Variants in N4BP2L1 observed in about 807,000 individuals in gnomAD.
The protein encoded by N4BP2L1 is NEDD4 binding protein 2 like 1.
N4BP2L1 carries 12 observed loss-of-function variants against 21.2 expected under a neutral mutation model. That is an observed-to-expected ratio of 0.57 (90% CI 0.36 to 0.92). The LOEUF (loss-of-function observed/expected upper bound fraction) is 0.92, where lower values mean the gene tolerates loss of function less well. N4BP2L1 is among the 40% of genes least tolerant of loss of function. The pLI is 0.01. For synonymous variants in N4BP2L1, 104 were observed against 112.8 expected, an observed-to-expected ratio of 0.92 and a Z score of 0.49; for missense variants, 259 against 310.6, an observed-to-expected ratio of 0.83 and a Z score of 1.25.
intron 1 of N4BP2L1, chr13:32,425,250 C>G (rs965750545): frequency 6.6e-6 from 1 of 152,230 alleles, no homozygotes; most frequent in Admixed American, 6.5e-5. Context: ...TGGGCCACAC[C>G]TGAGCCTGCC....
At chr13:32,408,910 C>A (rs149754178) in intron 1 of N4BP2L1, among the ~76,000 whole-genome samples, 198 of 152,288 alleles carry the variant, frequency 1.3e-3, no homozygotes, top group African/African-American at 4.5e-3. Context: ...CTTCAGGTGC[C>A]CCCACAGGCT....
rs1328519209 is a variant in N4BP2L1 at position 32,403,019 on chromosome 13, G to C, written c.655C>G (p.Pro219Ala). Residue 219 changes from proline (P) to alanine (A), a missense_variant, in exon 5 of 5, where the codon CCA (proline) becomes GCA (alanine). Physicochemically the swap from Pro to Ala is conservative, Grantham distance 27 (BLOSUM62 -1). Around this residue, in one of 3 missense-constraint regions of N4BP2L1, gnomAD observed 108 missense variants for 107.8 expected, o/e 1.00. Coordinates refer to ENST00000380130, the MANE Select transcript of N4BP2L1 (RefSeq NM_052818.3). ...ARYWNSYTEF[P>A]NRRAHGGFTN... ...AATCCACCGTGGGCCCTCCGGTTTG[G>C]AAACTCTGTGTAGGAATTCCAGTAT... 6.2e-7 allele frequency: 1 copy of C among 1,614,010 alleles called. No homozygotes were observed. Among genetic ancestry groups the C allele is most frequent in the Non-Finnish European group, 8.5e-7 (1 of 1,180,030 alleles).
chr13:32,407,164 A>C (rs1362836264), intron 3 of N4BP2L1, 86 bp downstream of exon 3: 1 of 1,319,722 alleles, frequency 7.6e-7, no homozygotes, highest in Non-Finnish European at 1.1e-6. Flanking sequence ...AAATCATGGA[A>C]CATCAGAAAA....
intron 1 of N4BP2L1, among the ~76,000 whole-genome samples, chr13:32,417,196 T>A (rs1433884530): frequency 6.6e-6 from 1 of 152,198 alleles, no homozygotes; most frequent in Non-Finnish European, 1.5e-5. Context: ...TACCCAAACC[T>A]TAGATTCAGT....
chr13:32,423,955 A>AAC (rs1256453115), intron 1 of N4BP2L1, among the ~76,000 whole-genome samples: 1 of 152,374 alleles, frequency 6.6e-6, no homozygotes, highest in Admixed American at 6.5e-5. Context: ...AAGGCATTTT[A>AAC]ACACACACAG....
chr13:32,403,056 G>T lies in N4BP2L1; in HGVS notation c.618C>A (p.Ser206=). Residue 206 remains serine, a synonymous_variant, in exon 5 of 5, where the codon TCC becomes TCA. Transcript: ENST00000380130. ...RNQDRNNALP[S]NNARYWNSYT... ...AGGAATTCCAGTATCTGGCATTGTT[G>T]GAAGGCAATGCATTATTCCTGTCCT... is the stretch of plus-strand genomic sequence containing the variant. The T allele has an allele frequency of 6.2e-7, 1 of 1,613,978 alleles. No individual in the cohort carries two copies. The highest frequency in any genetic ancestry group is 8.5e-7 in the Non-Finnish European group (1 of 1,179,962).
intron 1 of N4BP2L1, among the ~76,000 whole-genome samples, chr13:32,419,213 T>A (rs993718408): frequency 2.7e-5 from 4 of 149,922 alleles, no homozygotes; most frequent in Non-Finnish European, 5.9e-5. Flanking sequence ...GCTGTTCTCA[T>A]GATAGTGAGT....
intron 2 of N4BP2L1, 144 bp from the exon 3 acceptor site, chr13:32,407,482 C>A (rs755057056): frequency 5.1e-6 from 8 of 1,576,236 alleles, no homozygotes; most frequent in South Asian, 1.1e-5. Flanking sequence ...CAATAATTTT[C>A]TTTCTCTGGA....
At chr13:32,427,237 G>GC (rs1215153592) in intron 1 of N4BP2L1, among the ~76,000 whole-genome samples, 1 of 152,168 alleles carries the variant, frequency 6.6e-6, no homozygotes, top group African/African-American at 2.4e-5. Flanking sequence ...CCAGCCCCCC[G>GC]CCCCCGTGCA....
At chr13:32,405,464 C>A (rs994993236) in intron 3 of N4BP2L1, among the ~76,000 whole-genome samples, 1 of 152,158 alleles carries the variant, frequency 6.6e-6, no homozygotes, top group African/African-American at 2.4e-5. Flanking sequence ...GAGCTGAGAT[C>A]GTGCCACTGC....
At position 32,407,396 on chromosome 13, in the gene N4BP2L1, C is replaced by A. The variant is rs547480199; in HGVS notation, c.308-58G>T. On this transcript the variant is annotated intron_variant, in intron 2 of 4. Coordinates refer to ENST00000380130, the MANE Select transcript of N4BP2L1 (RefSeq NM_052818.3). Reference sequence around the variant, plus strand: ...ATGCAACAATCAGAGGGAAGGTGAGCGTAATCTCTATTCGTCATTTTTATT... The same window carrying A: ...ATGCAACAATCAGAGGGAAGGTGAGAGTAATCTCTATTCGTCATTTTTATT... The A allele has an allele frequency of 1.9e-6, 3 of 1,612,620 alleles. No individual in the cohort carries two copies. In the South Asian group the frequency reaches 3.3e-5, roughly 18 times the overall value.
At chr13:32,426,090 C>T (rs1414245128) in intron 1 of N4BP2L1, 2 of 152,186 alleles carry the variant, frequency 1.3e-5, no homozygotes, top group Non-Finnish European at 2.9e-5. Context: ...ACCACTCAGG[C>T]AACGCCCTGG....
At chr13:32,426,109 A>G (rs751725431) in intron 1 of N4BP2L1, among the ~76,000 whole-genome samples, 1 of 152,202 alleles carries the variant, frequency 6.6e-6, no homozygotes, top group Non-Finnish European at 1.5e-5. Flanking sequence ...GGCTTCACAG[A>G]TGAGGAATGT....
intron 1 of N4BP2L1, among the ~76,000 whole-genome samples, chr13:32,424,407 C>G (rs900821353): frequency 9.9e-5 from 15 of 152,218 alleles, no homozygotes; most frequent in African/African-American, 2.9e-4. Flanking sequence ...CCCCAGCCTT[C>G]ACCACCAACA....
intron 1 of N4BP2L1, among the ~76,000 whole-genome samples, chr13:32,423,790 G>A (rs988936188): frequency 8.5e-5 from 13 of 152,192 alleles, no homozygotes; most frequent in African/African-American, 3.1e-4. Context: ...GTGGGGAATA[G>A]GCAGTTATTG....
chr13:32,402,427 T>C lies in N4BP2L1; in HGVS notation c.*515A>G. 1.1e-6 allele frequency: 1 copy of C among 929,466 alleles called. No individual in the cohort carries two copies. Among genetic ancestry groups the C allele is most frequent in the Non-Finnish European group, 1.3e-6 (1 of 779,440 alleles). The allele number at this position is 929,466 out of a possible 1,614,324, so 57.6% of individuals were successfully genotyped here. Reference sequence around the variant, plus strand: ...TGTATGCTTTCTGGCATATTAACATTAAAGGAAAATCAGTATCATAAGAGT... The same window carrying C: ...TGTATGCTTTCTGGCATATTAACATCAAAGGAAAATCAGTATCATAAGAGT... On this transcript the variant is annotated 3_prime_UTR_variant, in exon 5 of 5. Transcript: ENST00000380130.
rs1189048117 is a variant in N4BP2L1, at chr13:32,402,875, CAA to C, written c.*65_*66del. 4.0e-6 allele frequency: 6 copies of C among 1,505,598 alleles called. No individual in the cohort carries two copies. The highest frequency in any genetic ancestry group is 5.3e-6 in the Non-Finnish European group (6 of 1,126,964). The allele number at this position is 1,505,598 out of a possible 1,614,324, so 93.3% of individuals were successfully genotyped here. A position where few individuals can be genotyped will look rare whatever the true frequency, so the allele number is the denominator to read the frequency against. On this transcript the variant is annotated 3_prime_UTR_variant, in exon 5 of 5. Transcript: ENST00000380130. ...AATTGGAGCTCTGACTAAAATGCAA[CAA>C]AAAATAACAAAAACTGAAGTAGAAA...
chr13:32,417,037 G>A (rs944083862), intron 1 of N4BP2L1, among the ~76,000 whole-genome samples: 5 of 152,032 alleles, frequency 3.3e-5, no homozygotes, highest in Non-Finnish European at 7.4e-5. Flanking sequence ...GGCTGGTCTC[G>A]AACTCCTGAC....
At chr13:32,410,117 T>A (rs1440794961) in intron 1 of N4BP2L1, among the ~76,000 whole-genome samples, 1 of 152,336 alleles carries the variant, frequency 6.6e-6, no homozygotes, top group East Asian at 1.9e-4. Context: ...GAACTTCTTT[T>A]GTGTTGGCAA....
Sources: allele counts gnomAD v4.1 joint callset (sites outside exome capture counted in the v4.1 genomes callset), GRCh38; gene constraint gnomAD v4.1.1; regional missense constraint gnomAD v4.1.1; transcripts MANE v1.5; gene names NCBI Gene and HGNC (gene_info 2026-07-23, HGNC 2026-07-21).